The following MAF variants were observed in gnomAD, a reference collection of about 807,000 sequenced individuals.
The protein encoded by MAF is MAF bZIP transcription factor.
A neutral mutation model predicts 22.0 loss-of-function variants in MAF; 10 were observed. The observed-to-expected ratio is 0.45, with a 90% confidence interval of 0.28 to 0.77. The LOEUF is 0.77. Among genes scored for constraint, MAF ranks in the 30% least tolerant of loss-of-function variants. MAF has a pLI of 0.12. For missense variants in MAF, 544 were observed against 548.4 expected (o/e 0.99, Z 0.08); for synonymous variants, 337 against 255.8 (o/e 1.32, Z -3.03).
At chr16:79,494,194 C>G in the MAF span, among the ~76,000 whole-genome samples, 1 of 152,156 alleles carries the variant, frequency 6.6e-6, no homozygotes, top group African/African-American at 2.4e-5. Flanking sequence ...TACAGTTCCA[C>G]GGGTCAGAAG....
At chr16:79,239,370 A>G in the MAF span, among the ~76,000 whole-genome samples, 1 of 152,096 alleles carries the variant, frequency 6.6e-6, no homozygotes. Context: ...TGAAACTGGT[A>G]AAGTCCCGGG....
chr16:79,588,339 G>A (rs572674903), intron 1 of MAF, among the ~76,000 whole-genome samples: 1 of 152,198 alleles, frequency 6.6e-6, no homozygotes, highest in Non-Finnish European at 1.5e-5. Context: ...CAGGCTCTGC[G>A]CATGTCTACC....
At chr16:79,372,631 C>A in the MAF span, among the ~76,000 whole-genome samples, 6 of 152,196 alleles carry the variant, frequency 3.9e-5, no homozygotes, top group African/African-American at 1.2e-4. Flanking sequence ...AGGCTGCGGT[C>A]TGGCGGGTGA....
At chr16:79,447,672 A>T in the MAF span, among the ~76,000 whole-genome samples, 1 of 152,112 alleles carries the variant, frequency 6.6e-6, no homozygotes. Flanking sequence ...TATAAACATT[A>T]ATAGGAGTTT....
the MAF span, among the ~76,000 whole-genome samples, chr16:79,345,624 A>G: frequency 7.0e-6 from 1 of 143,504 alleles, no homozygotes; most frequent in Non-Finnish European, 1.5e-5. Context: ...GCTACTCAGG[A>G]GGCTGAGGCA....
At chr16:79,467,697 G>C in the MAF span, among the ~76,000 whole-genome samples, 1 of 152,106 alleles carries the variant, frequency 6.6e-6, no homozygotes, top group Non-Finnish European at 1.5e-5. Context: ...GGAAACTCTG[G>C]GGCTGGGGCC....
chr16:79,444,519 A>G, the MAF span, among the ~76,000 whole-genome samples: 1 of 152,168 alleles, frequency 6.6e-6, no homozygotes, highest in Non-Finnish European at 1.5e-5. Flanking sequence ...GGGAGGAATA[A>G]TTGAATGCAT....
the MAF span, among the ~76,000 whole-genome samples, chr16:79,386,388 G>A: frequency 6.6e-6 from 1 of 152,176 alleles, no homozygotes; most frequent in Non-Finnish European, 1.5e-5. Flanking sequence ...AGATCCCTCA[G>A]ATGTGCAGTT....
chr16:79,357,867 C>G, the MAF span, among the ~76,000 whole-genome samples: 1 of 152,192 alleles, frequency 6.6e-6, no homozygotes, highest in Non-Finnish European at 1.5e-5. Context: ...ATGTATCCCC[C>G]TTGCATGGGT....
the MAF span, among the ~76,000 whole-genome samples, chr16:79,403,406 C>T: frequency 2.0e-5 from 3 of 152,196 alleles, no homozygotes; most frequent in African/African-American, 4.8e-5. Context: ...GTGCTTGAGA[C>T]AGCCTCAAAC....
At chr16:79,493,194 T>C in the MAF span, among the ~76,000 whole-genome samples, 3 of 151,986 alleles carry the variant, frequency 2.0e-5, no homozygotes, top group Non-Finnish European at 4.4e-5. Flanking sequence ...TTTGTTTTTG[T>C]TTTTTTGAGA....
At chr16:79,222,012 C>T in the MAF span, among the ~76,000 whole-genome samples, 873 of 152,024 alleles carry the variant, frequency 5.7e-3, 1 homozygote, top group Non-Finnish European at 9.0e-3. Flanking sequence ...CATGAGAAAC[C>T]GGAGATCAAT....
At chr16:79,259,050 A>G in the MAF span, among the ~76,000 whole-genome samples, 1 of 152,176 alleles carries the variant, frequency 6.6e-6, no homozygotes, top group Non-Finnish European at 1.5e-5. Context: ...TCCTCCTTCT[A>G]CATCCTGACA....
At chr16:79,532,131 T>A in the MAF span, among the ~76,000 whole-genome samples, 1 of 152,222 alleles carries the variant, frequency 6.6e-6, no homozygotes, top group East Asian at 1.9e-4. Context: ...AATTTCAAAT[T>A]GAACTGGGCA....
chr16:79,514,357 C>T, the MAF span, among the ~76,000 whole-genome samples: 1 of 152,136 alleles, frequency 6.6e-6, no homozygotes, highest in Non-Finnish European at 1.5e-5. Context: ...GAGTGGTTTA[C>T]AGGTATGGTT....
the MAF span, among the ~76,000 whole-genome samples, chr16:79,503,244 C>G: frequency 6.6e-6 from 1 of 152,116 alleles, no homozygotes. Context: ...TATTCACTCA[C>G]TCAACACGTT....
chr16:79,490,252 C>T, the MAF span, among the ~76,000 whole-genome samples: 15 of 152,182 alleles, frequency 9.9e-5, no homozygotes, highest in Non-Finnish European at 1.5e-4. Context: ...GACACAGGCA[C>T]GGCTGGAAAT....
the MAF span, among the ~76,000 whole-genome samples, chr16:79,414,570 GA>G: frequency 6.6e-6 from 1 of 152,192 alleles, no homozygotes; most frequent in Non-Finnish European, 1.5e-5. Flanking sequence ...TTCAACATGA[GA>G]TTTAGAAGGG....
At chr16:79,278,311 C>T in the MAF span, among the ~76,000 whole-genome samples, 2 of 152,200 alleles carry the variant, frequency 1.3e-5, no homozygotes, top group Admixed American at 1.3e-4. Context: ...TTTTCCATTA[C>T]TTGGATGAAA....
Sources: allele counts gnomAD v4.1 joint callset (sites outside exome capture counted in the v4.1 genomes callset), GRCh38; gene constraint gnomAD v4.1.1; transcripts MANE v1.5; gene names NCBI Gene and HGNC (gene_info 2026-07-23, HGNC 2026-07-21).